NDUFAF6: variants seen among roughly 807,000 people sequenced by gnomAD.
The protein encoded by NDUFAF6 is NADH:ubiquinone oxidoreductase complex assembly factor 6, also known as NADH dehydrogenase (ubiquinone) complex I, assembly factor 6.
Under a neutral mutation model 40.8 loss-of-function variants are expected in NDUFAF6, and 45 were observed. The ratio of observed to expected loss-of-function variants is 1.10; its 90% CI spans 0.87 to 1.42. The LOEUF is 1.42. Ranked by LOEUF, NDUFAF6 falls within the 40% of genes most tolerant of loss-of-function variation. NDUFAF6 has a pLI of 0.00. For missense variants in NDUFAF6, 435 were observed against 418.5 expected (o/e 1.04, Z -0.34); for synonymous variants, 185 against 155.9 (o/e 1.19, Z -1.39).
chr8:95,116,639 C>T (rs1357908171), downstream of NDUFAF6, among the ~76,000 whole-genome samples: 1 of 152,172 alleles, frequency 6.6e-6, no homozygotes, highest in African/African-American at 2.4e-5. Context: ...GTGTGAGCCA[C>T]TGTGCCCAGC....
chr8:94,938,513 T>C (rs778801777), intron 1 of NDUFAF6, among the ~76,000 whole-genome samples: 10 of 152,238 alleles, frequency 6.6e-5, no homozygotes, highest in Non-Finnish European at 1.5e-4. Flanking sequence ...ATGTGGTCAC[T>C]ATAAAGACCA....
At chr8:95,082,722 G>C (rs966339191) in intron 2 of NDUFAF6, among the ~76,000 whole-genome samples, 82 of 151,674 alleles carry the variant, frequency 5.4e-4, no homozygotes, top group Non-Finnish European at 1.5e-4. Flanking sequence ...TGCAGTGGCG[G>C]GATCTCGGCT....
chr8:95,088,830 G>A (rs1050826285), intron 2 of NDUFAF6, among the ~76,000 whole-genome samples: 1 of 151,460 alleles, frequency 6.6e-6, no homozygotes, highest in African/African-American at 2.4e-5. Context: ...GCGCCATCTC[G>A]GCTCACTGCA....
chr8:95,054,448 T>C (rs1452093046), intron 8 of NDUFAF6, among the ~76,000 whole-genome samples: 1 of 151,560 alleles, frequency 6.6e-6, no homozygotes, highest in African/African-American at 2.4e-5. Context: ...TTTTTTTTTT[T>C]TTTTGAGACG....
At chr8:95,027,896 GCT>G (rs1276560029) in intron 1 of NDUFAF6, among the ~76,000 whole-genome samples, 1 of 152,152 alleles carries the variant, frequency 6.6e-6, no homozygotes, top group East Asian at 1.9e-4. Flanking sequence ...ACCATCCTCG[GCT>G]CTCCTAGCAA....
At chr8:94,941,284 C>T (rs549364329) in intron 1 of NDUFAF6, among the ~76,000 whole-genome samples, 16 of 152,240 alleles carry the variant, frequency 1.1e-4, no homozygotes, top group African/African-American at 3.9e-4. Flanking sequence ...TCAAATTCAA[C>T]CTATAAATAT....
intron 2 of NDUFAF6, among the ~76,000 whole-genome samples, chr8:95,005,553 A>ATATATATATATATATATATATAT (rs60157067): frequency 8.0e-6 from 1 of 124,346 alleles, no homozygotes; most frequent in African/African-American, 3.3e-5. Flanking sequence ...ATATATATAT[A>ATATATATATATATATATATATAT]AAAAATATAT....
chr8:95,115,393 A>T (rs550255947), intron 4 of NDUFAF6: 2 of 152,300 alleles, frequency 1.3e-5, no homozygotes, highest in Non-Finnish European at 2.9e-5. Context: ...GCAACTTTTA[A>T]ATGTTATATT....
intron 1 of NDUFAF6, among the ~76,000 whole-genome samples, chr8:94,941,808 C>T (rs1380815256): frequency 7.9e-5 from 12 of 152,168 alleles, no homozygotes; most frequent in Admixed American, 7.9e-4. Flanking sequence ...CAGCTCCTAC[C>T]TTAGGGAGTT....
At chr8:94,990,634 T>G (rs542626118) in intron 2 of NDUFAF6, among the ~76,000 whole-genome samples, 4 of 152,300 alleles carry the variant, frequency 2.6e-5, no homozygotes, top group South Asian at 4.1e-4. Flanking sequence ...AACTGAACTT[T>G]AGGACCTGGA....
intron 2 of NDUFAF6, among the ~76,000 whole-genome samples, chr8:95,094,544 C>T (rs1809383176): frequency 6.6e-6 from 1 of 151,278 alleles, no homozygotes; most frequent in African/African-American, 2.4e-5. Flanking sequence ...TCCCAAGTAG[C>T]TGAGATTACA....
intron 2 of NDUFAF6, among the ~76,000 whole-genome samples, chr8:95,005,461 A>G (rs1826920789): frequency 6.8e-6 from 1 of 147,606 alleles, no homozygotes; most frequent in Admixed American, 6.8e-5. Context: ...TTGTGCCATC[A>G]TTATTCAACA....
At chr8:94,963,855 A>T (rs11780130) in intron 1 of NDUFAF6, among the ~76,000 whole-genome samples, 36 of 152,280 alleles carry the variant, frequency 2.4e-4, no homozygotes, top group Admixed American at 1.4e-3. Flanking sequence ...CCTGCTTCTC[A>T]AGCAGTTAAG....
chr8:94,919,643 T>C (rs1405388436), intron 1 of NDUFAF6, among the ~76,000 whole-genome samples: 2 of 152,168 alleles, frequency 1.3e-5, no homozygotes, highest in Non-Finnish European at 2.9e-5. Context: ...CCAAGCCCTC[T>C]AGAGTGATAG....
intron 4 of NDUFAF6, among the ~76,000 whole-genome samples, chr8:95,109,813 C>T (rs1299233693): frequency 2.0e-5 from 3 of 152,174 alleles, no homozygotes; most frequent in African/African-American, 7.2e-5. Context: ...AACTGAAATT[C>T]AGATTGGTAA....
intron 5 of NDUFAF6, 95 bp downstream of exon 5, chr8:95,045,742 T>A: frequency 1.1e-6 from 1 of 942,346 alleles, no homozygotes; most frequent in Non-Finnish European, 1.7e-6. Context: ...AGTTTAGCAC[T>A]AAAGCCTTCC....
chr8:95,104,721 C>T (rs969206221), downstream of NDUFAF6, among the ~76,000 whole-genome samples: 1 of 152,174 alleles, frequency 6.6e-6, no homozygotes, highest in African/African-American at 2.4e-5. Flanking sequence ...CCATTGGGCT[C>T]TCTTCACCCT....
In NDUFAF6 at chr8:95,031,958, G is replaced by T. The variant is rs747871923; in HGVS notation, c.198-37G>T. The stretch of plus-strand genomic sequence containing the variant: ...AGTATTTTTTTGTGCAGCTTGGAAA[G>T]TGAAGAGTAACTGTCTTTTTTTTCT... On this transcript the variant is annotated intron_variant, in intron 1 of 8. Coordinates refer to ENST00000396124, the MANE Select transcript of NDUFAF6 (RefSeq NM_152416.4). 12 of 1,577,826 alleles carry T rather than the reference G, an allele frequency of 7.6e-6. No individual in the cohort carries two copies. In the East Asian group the frequency reaches 1.8e-4, roughly 24 times the overall value.
At chr8:95,039,478 G>C (rs537119037) in intron 3 of NDUFAF6, among the ~76,000 whole-genome samples, 1 of 151,128 alleles carries the variant, frequency 6.6e-6, no homozygotes, top group Admixed American at 6.6e-5. Context: ...GGGTTTCACT[G>C]TGTTGCCCAG....
Sources: allele counts gnomAD v4.1 joint callset (sites outside exome capture counted in the v4.1 genomes callset), GRCh38; gene constraint gnomAD v4.1.1; transcripts MANE v1.5; gene names NCBI Gene and HGNC (gene_info 2026-07-23, HGNC 2026-07-21).